BST1: variants seen among roughly 807,000 people sequenced by gnomAD.
The protein encoded by BST1 is bone marrow stromal cell antigen 1, also known as ADP-ribosyl cyclase/cyclic ADP-ribose hydrolase 2.
Under a neutral mutation model 40.6 loss-of-function variants are expected in BST1, and 49 were observed. The ratio of observed to expected loss-of-function variants is 1.21; its 90% CI spans 0.96 to 1.53. The LOEUF is 1.53. Among genes scored for constraint, BST1 ranks in the 40% most tolerant of loss-of-function variants. The pLI is 0.00. For missense variants in BST1, 423 were observed against 395.9 expected, an observed-to-expected ratio of 1.07 and a Z score of -0.58; for synonymous variants, 157 against 159.3, an observed-to-expected ratio of 0.99 and a Z score of 0.11.
chr4:15,709,921 A>G (rs1310907308), intron 3 of BST1, among the ~76,000 whole-genome samples: 1 of 152,038 alleles, frequency 6.6e-6, no homozygotes, highest in East Asian at 1.9e-4. Flanking sequence ...GCAAAGCCAA[A>G]CCATTGACAG....
chr4:15,738,843 G>C (rs1173034545), downstream of BST1, among the ~76,000 whole-genome samples: 2 of 152,214 alleles, frequency 1.3e-5, no homozygotes, highest in Non-Finnish European at 2.9e-5. Flanking sequence ...GTTTGCCAAA[G>C]GTGCCAAATG....
the BST1 span, among the ~76,000 whole-genome samples, chr4:15,755,020 A>T: frequency 6.6e-6 from 1 of 152,250 alleles, no homozygotes; most frequent in Non-Finnish European, 1.5e-5. Context: ...ACATACAGAG[A>T]TCCCTCACTT....
rs539558371 is a variant in BST1, at chr4:15,703,293, G to C, written c.149G>C (p.Arg50Pro). The change falls in exon 1 of 9, where the codon CGC becomes CCC. Residue 50 changes from arginine (R) to proline (P), a missense_variant. Physicochemically the swap from Arg to Pro is moderately radical, Grantham distance 103. Coordinates refer to ENST00000265016, the MANE Select transcript of BST1 (RefSeq NM_004334.3). The part of the protein sequence containing the change: ...SAHLRDIFLG[R>P]CAEYRALLSP... ...CACTTGCGGGACATCTTCCTGGGCC[G>C]CTGCGCCGAGTACCGCGCACTGCTG... 9.1e-5 allele frequency: 139 copies of C among 1,531,196 alleles called. 2 individuals carry two copies. The highest frequency in any genetic ancestry group is 7.6e-4 in the South Asian group (64 of 83,922). 94.9% of individuals were successfully genotyped at this position (1,531,196 alleles called of 1,614,324 possible).
chr4:15,749,801 C>A, the BST1 span, among the ~76,000 whole-genome samples: 1 of 152,234 alleles, frequency 6.6e-6, no homozygotes, highest in East Asian at 1.9e-4. Context: ...GTATTCACCA[C>A]CCCCCGAGCA....
the BST1 span, among the ~76,000 whole-genome samples, chr4:15,746,573 C>T: frequency 2.1e-3 from 320 of 152,306 alleles, 1 homozygote; most frequent in African/African-American, 7.4e-3. Flanking sequence ...CAACCCACTC[C>T]TGTGATAACA....
chr4:15,734,073 G>A (rs1721478438), downstream of BST1, among the ~76,000 whole-genome samples: 1 of 152,182 alleles, frequency 6.6e-6, no homozygotes, highest in Admixed American at 6.5e-5. Context: ...ACCCAAATGT[G>A]AGAGCTGCCG....
At chr4:15,704,003 T>A (rs1334620814) in intron 1 of BST1, among the ~76,000 whole-genome samples, 1 of 133,904 alleles carries the variant, frequency 7.5e-6, no homozygotes, top group Non-Finnish European at 1.6e-5. Flanking sequence ...TGTGTGTGTG[T>A]GTTCTAGAGG....
chr4:15,742,448 G>A (rs1047289701), downstream of BST1, among the ~76,000 whole-genome samples: 4 of 152,172 alleles, frequency 2.6e-5, no homozygotes, highest in African/African-American at 4.8e-5. Context: ...ACCATGAGTC[G>A]AAGCAGCCTG....
chr4:15,751,704 T>C, the BST1 span, among the ~76,000 whole-genome samples: 40 of 152,042 alleles, frequency 2.6e-4, no homozygotes, highest in East Asian at 6.4e-3. Flanking sequence ...TATACATAGA[T>C]ATAATGTATA....
At chr4:15,766,773 G>C in the BST1 span, among the ~76,000 whole-genome samples, 1 of 89,862 alleles carries the variant, frequency 1.1e-5, no homozygotes, top group African/African-American at 4.5e-5. Flanking sequence ...ATATTGAGGA[G>C]ACAAAGACCT....
At chr4:15,709,233 T>C (rs1720051785) in intron 3 of BST1, among the ~76,000 whole-genome samples, 1 of 152,154 alleles carries the variant, frequency 6.6e-6, no homozygotes, top group Admixed American at 6.5e-5. Flanking sequence ...TAAGCTGATA[T>C]TTGAACAAGG....
At chr4:15,737,188 T>G (rs1433935934), downstream of BST1, among the ~76,000 whole-genome samples, 3 of 152,236 alleles carry the variant, frequency 2.0e-5, no homozygotes, top group East Asian at 5.8e-4. Flanking sequence ...CCTGTATAAG[T>G]GTTATTTGCT....
the BST1 span, among the ~76,000 whole-genome samples, chr4:15,760,802 C>T: frequency 9.3e-5 from 14 of 151,050 alleles, no homozygotes; most frequent in Admixed American, 5.9e-4. Context: ...GATCCTCCTA[C>T]TTCAGCCTCA....
intron 4 of BST1, among the ~76,000 whole-genome samples, chr4:15,714,874 C>G (rs1720424117): frequency 6.6e-6 from 1 of 152,170 alleles, no homozygotes; most frequent in Non-Finnish European, 1.5e-5. Context: ...AGATATTTTG[C>G]AGATGTGTCC....
At chr4:15,722,569 G>A (rs1386746281) in intron 7 of BST1, among the ~76,000 whole-genome samples, 3 of 151,190 alleles carry the variant, frequency 2.0e-5, no homozygotes, top group African/African-American at 2.4e-5. Context: ...AGGCATGAGC[G>A]TCTGCACCCA....
intron 8 of BST1, 66 bp downstream of exon 8, chr4:15,723,000 G>T: frequency 1.4e-6 from 2 of 1,449,240 alleles, no homozygotes; most frequent in Non-Finnish European, 9.7e-7. Context: ...GAAGTTTTCA[G>T]TTCACAAACA....
chr4:15,721,739 G>T (rs1239368493), intron 7 of BST1, among the ~76,000 whole-genome samples: 1 of 152,004 alleles, frequency 6.6e-6, no homozygotes, highest in Non-Finnish European at 1.5e-5. Context: ...ACACCAACAT[G>T]GCATGTGTAT....
chr4:15,768,107 G>T, the BST1 span, among the ~76,000 whole-genome samples: 1 of 152,092 alleles, frequency 6.6e-6, no homozygotes. Context: ...CACCTGTTGG[G>T]ACCTGACCCC....
chr4:15,718,929 A>C lies in BST1; in HGVS notation c.727A>C (p.Met243Leu). 1 of 1,614,162 alleles carries C rather than the reference A, an allele frequency of 6.2e-7. No homozygotes were observed. Among genetic ancestry groups the C allele is most frequent in the Non-Finnish European group, 8.5e-7 (1 of 1,180,010 alleles). The change falls in exon 7 of 9, where the codon ATG becomes CTG. Residue 243 changes from methionine (M) to leucine (L), a missense_variant. By Grantham distance (15) the Met-to-Leu change is conservative (BLOSUM62 2). Coordinates refer to ENST00000265016, the MANE Select transcript of BST1 (RefSeq NM_004334.3). ...PNVESCGEGS[M>L]KVLEKRLKDM... ...TAGGGAATCCTGCGGGGAAGGCAGC[A>C]TGAAAGTCCTGGAAAAGAGGCTGAA...
Sources: gnomAD v4.1 joint callset for allele counts (sites outside exome capture counted in the v4.1 genomes callset) on GRCh38, gnomAD v4.1.1 for gene constraint, MANE v1.5 for transcripts, NCBI Gene and HGNC (gene_info 2026-07-23, HGNC 2026-07-21) for gene names.